MAN1A2: variants seen among roughly 807,000 people sequenced by gnomAD.
MAN1A2 encodes mannosidase alpha class 1A member 2, also known as mannosyl-oligosaccharide 1,2-alpha-mannosidase IB.
In MAN1A2, 26 loss-of-function variants were observed where a neutral mutation model predicts 75.7. The ratio of observed to expected loss-of-function variants is 0.34; its 90% CI spans 0.25 to 0.48. MAN1A2 has a LOEUF of 0.48. MAN1A2 is among the 20% of genes least tolerant of loss of function. MAN1A2 has a pLI of 0.99. For missense variants in MAN1A2, 562 were observed against 775.5 expected (o/e 0.72, Z 3.27); for synonymous variants, 247 against 264.6 (o/e 0.93, Z 0.65).
chr1:117,499,468 C>CT lies in MAN1A2; in HGVS notation c.1591_1592insT (p.Arg531LeufsTer6). 1 of 1,608,406 alleles carries CT rather than the reference C, an allele frequency of 6.2e-7. No homozygotes were observed. Among genetic ancestry groups the CT allele is most frequent in the Non-Finnish European group, 8.5e-7 (1 of 1,177,234 alleles). Reference sequence around the variant, plus strand: ...GCAGGCTGAAAAGTATTATATCCTCCGTCCAGAAGTAATTGAAACCTATTG... The same window carrying CT: ...GCAGGCTGAAAAGTATTATATCCTCCTGTCCAGAAGTAATTGAAACCTATTG... On this transcript the variant is annotated frameshift_variant, in exon 11 of 13. Coordinates refer to ENST00000356554, the MANE Select transcript of MAN1A2 (RefSeq NM_006699.5). LOFTEE classifies it high-confidence loss of function.
At chr1:117,465,356 C>A (rs1649950416) in intron 7 of MAN1A2, among the ~76,000 whole-genome samples, 1 of 152,036 alleles carries the variant, frequency 6.6e-6, no homozygotes, top group African/African-American at 2.4e-5. Flanking sequence ...AAAAAGTGGT[C>A]TATGGAATTT....
chr1:117,390,314 T>TA (rs949410300), intron 1 of MAN1A2, among the ~76,000 whole-genome samples: 2 of 151,950 alleles, frequency 1.3e-5, no homozygotes, highest in Non-Finnish European at 2.9e-5. Context: ...CTTTAATAGA[T>TA]ACAGGCTGTT....
rs10923330 is a variant in MAN1A2, at chr1:117,513,944, G to C, written c.1794-8881G>C. Among the ~76,000 whole-genome samples, 585 of 152,290 alleles carry C rather than the reference G, an allele frequency of 3.8e-3. 7 individuals carry two copies. Among genetic ancestry groups the C allele is most frequent in the African/African-American group, 0.013 (556 of 41,562 alleles). ...TATTGTAGTATTGTAAAGAAAGCTA[G>C]TAATAAATGAATAGAGTAATAGATT... On this transcript the variant is annotated intron_variant, in intron 12 of 12. Coordinates refer to ENST00000356554, the MANE Select transcript of MAN1A2 (RefSeq NM_006699.5).
At chr1:117,500,148 C>T (rs1651156760) in intron 11 of MAN1A2, among the ~76,000 whole-genome samples, 1 of 151,826 alleles carries the variant, frequency 6.6e-6, no homozygotes, top group African/African-American at 2.4e-5. Context: ...GAACGTTTCA[C>T]AGTGGCAAAG....
intron 1 of MAN1A2, among the ~76,000 whole-genome samples, chr1:117,371,406 C>T (rs761442835): frequency 1.3e-5 from 2 of 152,062 alleles, no homozygotes; most frequent in Non-Finnish European, 2.9e-5. Context: ...ATGAATGTTA[C>T]GAAGTTGTAC....
chr1:117,527,113 A>T lies in MAN1A2; in HGVS notation c.*4156A>T, dbSNP rs1359888906. ...TCCTGGCTCAAGAACACTGATAAAG[A>T]TGATTTTCTGTTACTTTAGCTCATT... is the stretch of plus-strand genomic sequence containing the variant. On this transcript the variant is annotated 3_prime_UTR_variant, in exon 13 of 13. Transcript: ENST00000356554. The T allele has an allele frequency of 6.6e-6, 1 of 151,754 alleles. No homozygotes were observed. Among genetic ancestry groups the T allele is most frequent in the African/African-American group, 2.4e-5 (1 of 41,384 alleles). 9.4% of individuals were successfully genotyped at this position (151,754 alleles called of 1,614,324 possible). A position where few individuals can be genotyped will look rare whatever the true frequency, so the allele number is the denominator to read the frequency against.
In MAN1A2 at chr1:117,473,731, C is replaced by T. The variant is rs930326591; in HGVS notation, c.1168+7304C>T. ...CCCTCACTTTCTTCAGGTTTTTTTA[C>T]TCAAAAGTTACCTTTTCAATGAAGT... is the stretch of plus-strand genomic sequence containing the variant. On this transcript the variant is annotated intron_variant, in intron 8 of 12. Transcript: ENST00000356554. Among the ~76,000 whole-genome samples the T allele has an allele frequency of 6.6e-5, 10 of 151,836 alleles. 1 individual carries two copies. Among genetic ancestry groups the T allele is most frequent in the African/African-American group, 2.4e-4 (10 of 41,372 alleles).
At chr1:117,458,784 G>C (rs1284916713) in intron 6 of MAN1A2, among the ~76,000 whole-genome samples, 2 of 151,734 alleles carry the variant, frequency 1.3e-5, no homozygotes, top group Non-Finnish European at 2.9e-5. Flanking sequence ...TCGGCCTCCT[G>C]AAGTGCTGGG....
intron 1 of MAN1A2, among the ~76,000 whole-genome samples, chr1:117,370,611 T>C (rs1386267324): frequency 1.3e-5 from 2 of 152,230 alleles, no homozygotes; most frequent in South Asian, 2.1e-4. Context: ...TGTATAAACA[T>C]TAACTTATTT....
At chr1:117,387,460 G>A (rs1232647431) in intron 1 of MAN1A2, among the ~76,000 whole-genome samples, 3 of 152,276 alleles carry the variant, frequency 2.0e-5, no homozygotes, top group Admixed American at 1.3e-4. Context: ...GTGGTTCTTG[G>A]TATCTGTGAG....
At chr1:117,504,338 A>T (rs187094710) in intron 12 of MAN1A2, among the ~76,000 whole-genome samples, 22 of 149,378 alleles carry the variant, frequency 1.5e-4, no homozygotes, top group Admixed American at 4.7e-4. Context: ...TTTAAACTTC[A>T]GAAAAACTGT....
In MAN1A2 at chr1:117,460,492, A is replaced by C; in HGVS notation, c.954A>C (p.Gly318=). The C allele has an allele frequency of 6.2e-7, 1 of 1,610,742 alleles. No homozygotes were observed. Residue 318 remains glycine (G), a synonymous_variant, in exon 7 of 13, where the codon GGA becomes GGC. Coordinates refer to ENST00000356554, the MANE Select transcript of MAN1A2 (RefSeq NM_006699.5). ...IPWAMVNLKS[G]VGRNWGWASA... is the part of the protein sequence containing the mutation. ...TTTACTTTTCCTTTTCATTCAGTGG[A>C]GTAGGGCGAAACTGGGGCTGGGCAT...
At chr1:117,427,205 A>G (rs190383603) in intron 5 of MAN1A2, among the ~76,000 whole-genome samples, 7 of 152,214 alleles carry the variant, frequency 4.6e-5, no homozygotes, top group Admixed American at 4.6e-4. Flanking sequence ...TTCTAAGGTA[A>G]CCCAGATACT....
chr1:117,373,491 T>TG (rs1427289355), intron 1 of MAN1A2, among the ~76,000 whole-genome samples: 8 of 149,918 alleles, frequency 5.3e-5, no homozygotes, highest in Non-Finnish European at 8.9e-5. Context: ...TTTGTTTTTT[T>TG]TTTTTTTTTT....
intron 1 of MAN1A2, among the ~76,000 whole-genome samples, chr1:117,396,494 A>G (rs763769438): frequency 1.3e-4 from 20 of 152,362 alleles, no homozygotes; most frequent in Middle Eastern, 3.4e-3. Context: ...TATATAAGAG[A>G]AAGATCATCC....
rs763822888 is a variant in MAN1A2, at chr1:117,368,273, C to T, written c.90C>T (p.Thr30=). 1.9e-6 allele frequency: 3 copies of T among 1,614,174 alleles called. No homozygotes were observed. Among genetic ancestry groups the T allele is most frequent in the Non-Finnish European group, 2.5e-6 (3 of 1,180,024 alleles). ...GPPSFPHHRA[T]LRLSEKFILL... is the part of the protein sequence containing the mutation. ...CTTCCTTCCCACATCACAGGGCTAC[C>T]TTGAGACTTTCTGAGAAGTTTATTC... is the stretch of plus-strand genomic sequence containing the variant. The change falls in exon 1 of 13, where the codon ACC becomes ACT. Residue 30 remains threonine, a synonymous_variant. Transcript: ENST00000356554.
intron 5 of MAN1A2, among the ~76,000 whole-genome samples, chr1:117,429,657 G>A (rs1347462176): frequency 1.8e-3 from 200 of 110,420 alleles, no homozygotes; most frequent in African/African-American, 6.9e-3. Flanking sequence ...AGGGGCGGCC[G>A]GGCAGAGGCG....
At chr1:117,416,560 A>G (rs1204750783) in intron 4 of MAN1A2, among the ~76,000 whole-genome samples, 1 of 152,330 alleles carries the variant, frequency 6.6e-6, no homozygotes, top group East Asian at 1.9e-4. Context: ...TCAGGGTTCA[A>G]TCAGGAACCA....
intron 11 of MAN1A2, among the ~76,000 whole-genome samples, chr1:117,502,297 G>A (rs1651226664): frequency 6.6e-6 from 1 of 151,626 alleles, no homozygotes; most frequent in Non-Finnish European, 1.5e-5. Context: ...ATTGTAGTAG[G>A]TGGGCTCTTT....
Sources: allele counts gnomAD v4.1 joint callset (sites outside exome capture counted in the v4.1 genomes callset), GRCh38; gene constraint gnomAD v4.1.1; transcripts MANE v1.5; gene names NCBI Gene and HGNC (gene_info 2026-07-23, HGNC 2026-07-21).